PPP2R2C: variants seen among roughly 807,000 people sequenced by gnomAD.
PPP2R2C encodes the protein protein phosphatase 2, regulatory subunit B, gamma.
A neutral mutation model predicts 45.3 loss-of-function variants in PPP2R2C; 10 were observed. The ratio of observed to expected loss-of-function variants is 0.22; its 90% confidence interval spans 0.14 to 0.37. PPP2R2C has a LOEUF of 0.37. Among genes scored for constraint, PPP2R2C ranks in the 10% least tolerant of loss-of-function variants. PPP2R2C has a pLI of 1.00. For missense variants in PPP2R2C, 308 were observed against 619.7 expected (o/e 0.50, Z 5.34); for synonymous variants, 257 against 245.4 (o/e 1.05, Z -0.44).
At chr4:6,452,888 C>T (rs1434609701) in intron 1 of PPP2R2C, among the ~76,000 whole-genome samples, 2 of 152,244 alleles carry the variant, frequency 1.3e-5, no homozygotes, top group African/African-American at 4.8e-5. Context: ...GCTCCGTGAT[C>T]AGCAGGCTTA....
intron 5 of PPP2R2C, among the ~76,000 whole-genome samples, chr4:6,352,876 G>T (rs1712697080): frequency 6.6e-6 from 1 of 152,156 alleles, no homozygotes; most frequent in South Asian, 2.1e-4. Context: ...CTTGAGATGA[G>T]ATCACCCTGG....
chr4:6,457,192 A>T (rs1179282768), intron 1 of PPP2R2C, among the ~76,000 whole-genome samples: 2 of 127,166 alleles, frequency 1.6e-5, no homozygotes, highest in Middle Eastern at 4.8e-3. Context: ...TGGGCGACAG[A>T]GCGAGACTCC....
In PPP2R2C at chr4:6,560,085, A is replaced by G. The variant is rs549767675; in HGVS notation, c.-59+3475T>C. Among the ~76,000 whole-genome samples the G allele has an allele frequency of 9.2e-5, 14 of 152,366 alleles. No homozygotes were observed. In the South Asian group the frequency reaches 2.7e-3, roughly 29 times the overall value. On this transcript the variant is annotated intron_variant, in intron 1 of 9. Transcript: ENST00000506140. ...GAACCACAGGGGAAGCCCACCAAGG[A>G]AGAGGCATCCTGGGGCCCTTGAAGG...
intron 1 of PPP2R2C, among the ~76,000 whole-genome samples, chr4:6,552,183 C>T (rs965385741): frequency 1.3e-5 from 2 of 152,202 alleles, no homozygotes; most frequent in Non-Finnish European, 2.9e-5. Context: ...AGGCAGTCTC[C>T]CTGCAATTTT....
In PPP2R2C at chr4:6,499,675, G is replaced by A. The variant is rs148777160; in HGVS notation, c.49+35596C>T. Among the ~76,000 whole-genome samples, 408 of 151,796 alleles carry A rather than the reference G, an allele frequency of 2.7e-3. 2 individuals carry two copies. Among genetic ancestry groups the A allele is most frequent in the African/African-American group, 9.0e-3 (373 of 41,364 alleles). On this transcript the variant is annotated intron_variant, in intron 2 of 9. Transcript: ENST00000506140. ...TTTTTTGTCTTTTCAAACTTGCTGCGGAGTGGTCATTTCTGTATATAAAAA... is the reference window on the plus strand; with the variant it reads ...TTTTTTGTCTTTTCAAACTTGCTGCAGAGTGGTCATTTCTGTATATAAAAA...
chr4:6,383,706 A>G (rs536408292), intron 1 of PPP2R2C: 1 of 690,494 alleles, frequency 1.4e-6, no homozygotes, highest in Non-Finnish European at 1.9e-6. Flanking sequence ...TTCTTTCTGT[A>G]AAGGCTTTTA....
At chr4:6,411,228 C>T (rs74986559) in intron 1 of PPP2R2C, among the ~76,000 whole-genome samples, 6,856 of 152,148 alleles carry the variant, frequency 0.045, 512 homozygotes, top group African/African-American at 0.16. Flanking sequence ...AGTAACGTGC[C>T]CACAGTCACA....
intron 1 of PPP2R2C, among the ~76,000 whole-genome samples, chr4:6,451,965 C>T (rs1481718893): frequency 6.6e-6 from 1 of 152,184 alleles, no homozygotes; most frequent in African/African-American, 2.4e-5. Flanking sequence ...GATGCCCTCA[C>T]CTGCTCCACC....
chr4:6,495,968 C>G (rs1722869417), intron 2 of PPP2R2C, among the ~76,000 whole-genome samples: 2 of 152,200 alleles, frequency 1.3e-5, no homozygotes, highest in South Asian at 2.1e-4. Flanking sequence ...AGGGCCCCCT[C>G]CCGGCTCTCC....
intron 2 of PPP2R2C, among the ~76,000 whole-genome samples, chr4:6,483,552 T>C (rs1202974350): frequency 1.3e-5 from 2 of 152,168 alleles, no homozygotes; most frequent in Non-Finnish European, 2.9e-5. Flanking sequence ...TCTTTTCGTG[T>C]GCTTATTTGC....
At chr4:6,383,238 C>T in intron 1 of PPP2R2C, 2 of 1,199,022 alleles carry the variant, frequency 1.7e-6, no homozygotes, top group Middle Eastern at 2.5e-4. Flanking sequence ...CAGAAGAACC[C>T]CCCCAACCCC....
At chr4:6,442,359 G>A (rs1241176998) in intron 1 of PPP2R2C, among the ~76,000 whole-genome samples, 2 of 152,354 alleles carry the variant, frequency 1.3e-5, no homozygotes, top group East Asian at 1.9e-4. Context: ...CCAGAGGCCT[G>A]GGCTTAGGAA....
chr4:6,344,606 ATG>A (rs1412816752), intron 6 of PPP2R2C, among the ~76,000 whole-genome samples: 3 of 152,196 alleles, frequency 2.0e-5, no homozygotes, highest in Non-Finnish European at 2.9e-5. Flanking sequence ...CTGCACACAC[ATG>A]TGTTTTCTGA....
At chr4:6,466,835 C>T (rs1207284536) in intron 1 of PPP2R2C, among the ~76,000 whole-genome samples, 2 of 152,138 alleles carry the variant, frequency 1.3e-5, no homozygotes, top group African/African-American at 4.8e-5. Flanking sequence ...ATGAGAAAAA[C>T]CGTGCTCTGT....
intron 2 of PPP2R2C, chr4:6,380,291 G>A (rs1715679865): frequency 1.3e-5 from 2 of 152,348 alleles, no homozygotes; most frequent in African/African-American, 4.8e-5. Flanking sequence ...TACTTAGCAA[G>A]TGTTCTCAGT....
chr4:6,503,798 A>AG (rs1413474366), intron 2 of PPP2R2C, among the ~76,000 whole-genome samples: 3 of 151,202 alleles, frequency 2.0e-5, no homozygotes, highest in East Asian at 3.9e-4. Flanking sequence ...TGGCAATTAA[A>AG]AAAAAAAAAA....
chr4:6,399,162 T>C (rs552644301), intron 1 of PPP2R2C, among the ~76,000 whole-genome samples: 2 of 152,284 alleles, frequency 1.3e-5, no homozygotes, highest in South Asian at 4.2e-4. Context: ...AAATCTTAAT[T>C]ATGGGGGTGA....
intron 1 of PPP2R2C, among the ~76,000 whole-genome samples, chr4:6,456,237 G>C (rs1019921749): frequency 6.6e-6 from 1 of 152,168 alleles, no homozygotes; most frequent in Admixed American, 6.5e-5. Flanking sequence ...CAATCTGCAG[G>C]GGGTAGTTAG....
At chr4:6,450,653 G>T (rs556337582) in intron 1 of PPP2R2C, among the ~76,000 whole-genome samples, 6 of 152,194 alleles carry the variant, frequency 3.9e-5, no homozygotes, top group Non-Finnish European at 7.3e-5. Context: ...GAGGTGCACG[G>T]AGGTCAGTGC....
Sources: gnomAD v4.1 joint callset for allele counts (sites outside exome capture counted in the v4.1 genomes callset) on GRCh38, gnomAD v4.1.1 for gene constraint, MANE v1.5 for transcripts, NCBI Gene and HGNC (gene_info 2026-07-23, HGNC 2026-07-21) for gene names.